The following MMP8 variants were observed in gnomAD, a reference collection of about 807,000 sequenced individuals.
MMP8 encodes matrix metallopeptidase 8, also known as neutrophil collagenase.
Under a neutral mutation model 51.2 loss-of-function variants are expected in MMP8, and 67 were observed. The observed-to-expected ratio is 1.31, with a 90% CI of 1.08 to 1.60. The LOEUF is 1.60. Among genes scored for constraint, MMP8 ranks in the 40% most tolerant of loss-of-function variants. MMP8 has a pLI of 0.00. For synonymous variants in MMP8, 225 were observed against 191.0 expected (o/e 1.18, Z -1.47); for missense variants, 654 against 558.1 (o/e 1.17, Z -1.73).
intron 6 of MMP8, 54 bp from the exon 7 acceptor site, chr11:102,715,491 G>A: frequency 6.4e-7 from 1 of 1,559,384 alleles, no homozygotes; most frequent in East Asian, 2.3e-5. Context: ...AGTCTAAGTA[G>A]GCAGTTCCTG....
In MMP8 at chr11:102,712,344, T is replaced by G; in HGVS notation, c.*1004A>C. 6.6e-6 allele frequency: 1 copy of G among 152,148 alleles called. No homozygotes were observed. The highest frequency in any genetic ancestry group is 1.9e-4 in the East Asian group (1 of 5,178). 9.4% of individuals were successfully genotyped at this position (152,148 alleles called of 1,614,324 possible). On this transcript the variant is annotated 3_prime_UTR_variant, in exon 10 of 10. Transcript: ENST00000236826. ...GCCCAGTAGTCCTTAGCAAGGGTTC[T>G]ACTTCTGCATTCTGTGTTGATTCAT...
At chr11:102,714,239 G>C (rs1861213809) in intron 8 of MMP8, among the ~76,000 whole-genome samples, 1 of 152,182 alleles carries the variant, frequency 6.6e-6, no homozygotes, top group Admixed American at 6.5e-5. Flanking sequence ...ACATTTGCTT[G>C]CATATGTCTG....
At chr11:102,724,692 C>G (rs1861568196) in intron 1 of MMP8, 62 bp downstream of exon 1, 1 of 1,400,600 alleles carries the variant, frequency 7.1e-7, no homozygotes, top group African/African-American at 1.5e-5. Flanking sequence ...CAAGAGAAAA[C>G]AACCCACACT....
chr11:102,723,581 G>A, intron 1 of MMP8: 1 of 444,204 alleles, frequency 2.3e-6, no homozygotes, highest in Non-Finnish European at 4.5e-6. Flanking sequence ...CAAAAGGGGA[G>A]CAAGCATGTG....
chr11:102,719,293 C>A (rs1861401235), intron 4 of MMP8, among the ~76,000 whole-genome samples: 1 of 152,170 alleles, frequency 6.6e-6, no homozygotes, highest in Non-Finnish European at 1.5e-5. Flanking sequence ...TTGGCTCCAG[C>A]AGATATTTGA....
At chr11:102,720,413 G>A (rs1861433422) in intron 4 of MMP8, among the ~76,000 whole-genome samples, 1 of 152,124 alleles carries the variant, frequency 6.6e-6, no homozygotes, top group Admixed American at 6.5e-5. Context: ...GGAATGGAGA[G>A]GAGCTGAGGG....
rs35295350 is a variant in MMP8, at chr11:102,718,363, G to A, written c.784+51C>T. 2.8e-3 allele frequency: 4,361 copies of A among 1,540,108 alleles called. 117 individuals carry two copies. The African/African-American group carries it at 0.053, about 19-fold the overall frequency. ...AGATATTCAGATTCTGGGAGTGTTC[G>A]CCTATTCCCAGGTCCTACCATGTAC... On this transcript the variant is annotated intron_variant, in intron 5 of 9. Transcript: ENST00000236826.
In MMP8 at chr11:102,716,422, G is replaced by GCA; in HGVS notation, c.785-4_785-3insTG. The GCA allele has an allele frequency of 6.1e-6, 3 of 495,830 alleles. No homozygotes were observed. The highest frequency in any genetic ancestry group is 3.0e-6 in the Non-Finnish European group (1 of 338,672). 30.7% of individuals were successfully genotyped at this position (495,830 alleles called of 1,614,324 possible). On this transcript the variant is annotated splice_region_variant and splice_polypyrimidine_tract_variant and intron_variant, in intron 5 of 9. Coordinates refer to ENST00000236826, the MANE Select transcript of MMP8 (RefSeq NM_002424.3). ...TTGGATAGGGTTGCTTGAAAGTCCT[G>GCA]GAAAAAAAAAAAAAAAAAAAAAAAA... is the stretch of plus-strand genomic sequence containing the variant.
chr11:102,719,089 T>G (rs911447632), intron 4 of MMP8, among the ~76,000 whole-genome samples: 3 of 152,234 alleles, frequency 2.0e-5, no homozygotes, highest in African/African-American at 7.2e-5. Flanking sequence ...TCTCTGTTTC[T>G]GAGCTTTCTA....
rs200336086 is a variant in MMP8 at position 102,714,682 on chromosome 11, T to C, written c.1064A>G (p.Tyr355Cys). The change falls in exon 8 of 10, where the codon TAT becomes TGT. Residue 355 changes from tyrosine (Y) to cysteine (C), a missense_variant. Coordinates refer to ENST00000236826, the MANE Select transcript of MMP8 (RefSeq NM_002424.3). ...CTTGGGATAACCTTGCAGAATATCA[T>C]AGCCACTCAGAGCCCAGTATTGGTT... ...KGNQYWALSG[Y>C]DILQGYPKDI... The C allele has an allele frequency of 3.8e-4, 588 of 1,536,712 alleles. No homozygotes were observed. Among genetic ancestry groups the C allele is most frequent in the Non-Finnish European group, 5.0e-4 (569 of 1,145,330 alleles).
intron 1 of MMP8, among the ~76,000 whole-genome samples, chr11:102,724,383 A>G (rs1224415191): frequency 1.3e-5 from 2 of 152,222 alleles, no homozygotes; most frequent in Admixed American, 6.5e-5. Context: ...AAATGCCTGT[A>G]TGGAAGCACC....
Position 102,713,335 on chromosome 11 carries a change from A to C in MMP8, c.*13T>G. 1 of 1,581,480 alleles carries C rather than the reference A, an allele frequency of 6.3e-7. No homozygotes were observed. Among genetic ancestry groups the C allele is most frequent in the South Asian group, 1.1e-5 (1 of 90,384 alleles). ...ACATTCTGAAAGTGGATACAGCCAC[A>C]TTTGATTTTGCTTCAGCCATATCTA... On this transcript the variant is annotated 3_prime_UTR_variant, in exon 10 of 10. Coordinates refer to ENST00000236826, the MANE Select transcript of MMP8 (RefSeq NM_002424.3).
Position 102,722,443 on chromosome 11 carries a change from A to G in MMP8, c.333T>C (p.Thr111=). The G allele has an allele frequency of 6.2e-7, 1 of 1,613,730 alleles. No individual in the cohort carries two copies. The highest frequency in any genetic ancestry group is 8.5e-7 in the Non-Finnish European group (1 of 1,179,748). The part of the protein sequence containing the change: ...LTPGNPKWER[T]NLTYRIRNYT... ...AGAGATATCACCTGTAGGTCAAGTT[A>G]GTGCGTTCCCACTTGGGGTTTCCTG... Residue 111 remains threonine, a synonymous_variant, in exon 2 of 10, where the codon ACT becomes ACC. Transcript: ENST00000236826.
chr11:102,718,641 A>C (rs1861379052), intron 4 of MMP8, 66 bp from the exon 5 acceptor site: 3,452 of 1,542,370 alleles, frequency 2.2e-3, no homozygotes, highest in Non-Finnish European at 2.8e-3. Flanking sequence ...ACATGATCTC[A>C]AGGAATGCAA....
chr11:102,721,381 C>T lies in MMP8; in HGVS notation c.622+20G>A. On this transcript the variant is annotated intron_variant, in intron 4 of 9. Coordinates refer to ENST00000236826, the MANE Select transcript of MMP8 (RefSeq NM_002424.3). ...GGTTAATTCAGAAGCTGTGTGTGGA[C>T]ATAATCTTGATTAACTTACTTGCGG... 6.2e-7 allele frequency: 1 copy of T among 1,612,586 alleles called. No individual in the cohort carries two copies. The highest frequency in any genetic ancestry group is 8.5e-7 in the Non-Finnish European group (1 of 1,179,272).
chr11:102,713,690 A>G, intron 9 of MMP8, 64 bp downstream of exon 9: 2 of 1,360,288 alleles, frequency 1.5e-6, no homozygotes, highest in South Asian at 2.6e-5. Flanking sequence ...GCATAGTAAG[A>G]CCCTGTCTCC....
chr11:102,723,716 A>C (rs751380841), intron 1 of MMP8: 1 of 300,670 alleles, frequency 3.3e-6, no homozygotes, highest in Non-Finnish European at 6.7e-6. Flanking sequence ...CAAGAGTGTC[A>C]TTAATCTTTC....
chr11:102,724,809 T>A lies in MMP8; in HGVS notation c.47A>T (p.Gln16Leu), dbSNP rs1354587190. The A allele has an allele frequency of 7.5e-6, 12 of 1,609,972 alleles. No homozygotes were observed. Among genetic ancestry groups the A allele is most frequent in the Non-Finnish European group, 1.0e-5 (12 of 1,177,590 alleles). ...TLPFLLLLHV[Q>L]ISKAFPVSSK... is the part of the protein sequence containing the mutation. ...AGATACAGGAAAGGCCTTGGAAATC[T>A]GCACATGGAGTAAGAGCAGAAATGG... is the stretch of plus-strand genomic sequence containing the variant. The change falls in exon 1 of 10, where the codon CAG becomes CTG. Residue 16 changes from glutamine (Q) to leucine (L), a missense_variant. Physicochemically the swap from Gln to Leu is moderately radical, Grantham distance 113. Coordinates refer to ENST00000236826, the MANE Select transcript of MMP8 (RefSeq NM_002424.3).
intron 4 of MMP8, among the ~76,000 whole-genome samples, chr11:102,718,935 CCACTGTCCCAGA>C (rs1372712511): frequency 3.3e-5 from 5 of 152,194 alleles, no homozygotes; most frequent in Admixed American, 3.3e-4. Context: ...ATCACCATCT[CCACTGTCCCAGA>C]CACTCAGCCT....
Sources: gnomAD v4.1 joint callset for allele counts (sites outside exome capture counted in the v4.1 genomes callset) on GRCh38, gnomAD v4.1.1 for gene constraint, MANE v1.5 for transcripts, NCBI Gene and HGNC (gene_info 2026-07-23, HGNC 2026-07-21) for gene names.